The following PHF21A variants were observed in gnomAD, a reference collection of about 807,000 sequenced individuals.
PHF21A encodes BHC80a.
Under a neutral mutation model 82.5 loss-of-function variants are expected in PHF21A, and 11 were observed. The ratio of observed to expected loss-of-function variants is 0.13; its 90% CI spans 0.08 to 0.22. PHF21A has a LOEUF of 0.22. Among genes scored for constraint, PHF21A ranks in the 10% least tolerant of loss-of-function variants. The probability of loss-of-function intolerance (pLI) is 1.00; values close to 1 mark genes in which losing one functional copy is unlikely to be tolerated. For synonymous variants in PHF21A, 297 were observed against 302.8 expected, an observed-to-expected ratio of 0.98 and a Z score of 0.20; for missense variants, 579 against 837.8, an observed-to-expected ratio of 0.69 and a Z score of 3.81.
At chr11:46,082,233 AT>A (rs2135191886) in intron 4 of PHF21A, among the ~76,000 whole-genome samples, 1 of 152,348 alleles carries the variant, frequency 6.6e-6, no homozygotes, top group South Asian at 2.1e-4. Flanking sequence ...CACATTTTCT[AT>A]CCAGTAAGCT....
intron 6 of PHF21A, among the ~76,000 whole-genome samples, chr11:46,041,483 A>G (rs11038750): frequency 0.029 from 4,370 of 152,252 alleles, 70 homozygotes; most frequent in African/African-American, 0.04. Flanking sequence ...CTAAGGGGTA[A>G]TCTGAAAGTC....
In PHF21A at chr11:46,092,218, AG is replaced by A. The variant is rs1186445459; in HGVS notation, c.-232del. 1 of 152,176 alleles carries A rather than the reference AG, an allele frequency of 6.6e-6. No individual in the cohort carries two copies. Among genetic ancestry groups the A allele is most frequent in the African/African-American group, 2.4e-5 (1 of 41,434 alleles). 9.4% of individuals were successfully genotyped at this position (152,176 alleles called of 1,614,324 possible). On this transcript the variant is annotated 5_prime_UTR_variant, in exon 2 of 19. An upstream open reading frame in the 5' UTR gains an earlier in-frame stop. Transcript: ENST00000676320. The stretch of plus-strand genomic sequence containing the variant: ...GAAACTGGCTCTCCTTCAGCTCTCT[AG>A]CCCCCTATAACAGAAGAACGGGAAA...
At chr11:46,048,398 AT>A (rs1218621404) in intron 6 of PHF21A, among the ~76,000 whole-genome samples, 1 of 152,104 alleles carries the variant, frequency 6.6e-6, no homozygotes, top group East Asian at 1.9e-4. Context: ...ACCACACTTT[AT>A]TTAACTATCC....
chr11:46,117,568 C>T (rs1851689301), intron 1 of PHF21A, among the ~76,000 whole-genome samples: 1 of 152,182 alleles, frequency 6.6e-6, no homozygotes, highest in Non-Finnish European at 1.5e-5. Context: ...GGGGAAAAAA[C>T]TACAAGAAGT....
At chr11:45,945,329 C>T (rs538996868) in intron 15 of PHF21A, among the ~76,000 whole-genome samples, 104 of 152,304 alleles carry the variant, frequency 6.8e-4, no homozygotes, top group African/African-American at 2.4e-3. Context: ...AAGTATTTGA[C>T]AGTTTTTCCG....
intron 11 of PHF21A, among the ~76,000 whole-genome samples, chr11:45,952,986 G>A (rs2092302382): frequency 6.6e-6 from 1 of 152,186 alleles, no homozygotes; most frequent in South Asian, 2.1e-4. Flanking sequence ...CTAAATTATA[G>A]TATAGATGTT....
chr11:46,057,398 A>C (rs1034393325), intron 6 of PHF21A, among the ~76,000 whole-genome samples: 2 of 152,158 alleles, frequency 1.3e-5, no homozygotes, highest in Admixed American at 1.3e-4. Context: ...GATGCACAGG[A>C]GTGTTAATTC....
intron 1 of PHF21A, among the ~76,000 whole-genome samples, chr11:46,118,424 A>AG (rs1203568696): frequency 6.6e-6 from 1 of 151,870 alleles, no homozygotes; most frequent in East Asian, 1.9e-4. Flanking sequence ...TGTTAAAAAA[A>AG]AAAAAAAAAA....
intron 6 of PHF21A, among the ~76,000 whole-genome samples, chr11:46,040,549 C>T (rs1269619306): frequency 3.3e-5 from 5 of 152,058 alleles, no homozygotes; most frequent in African/African-American, 1.2e-4. Flanking sequence ...CTGGATTACT[C>T]ATTACTGCAG....
At chr11:46,074,613 C>T (rs2096704302) in intron 6 of PHF21A, among the ~76,000 whole-genome samples, 1 of 152,182 alleles carries the variant, frequency 6.6e-6, no homozygotes, top group Non-Finnish European at 1.5e-5. Context: ...AGCAATTCTC[C>T]TGCCTCAGCC....
intron 9 of PHF21A, among the ~76,000 whole-genome samples, chr11:45,969,179 C>A (rs1476737670): frequency 1.3e-5 from 2 of 152,088 alleles, no homozygotes; most frequent in Non-Finnish European, 2.9e-5. Context: ...AGCCTTCCTA[C>A]CAAGGAAGTC....
At position 46,068,787 on chromosome 11, in the gene PHF21A, C is replaced by G. The variant is rs146029891; in HGVS notation, c.153+7967G>C. On this transcript the variant is annotated intron_variant, in intron 6 of 18. Coordinates refer to ENST00000676320, the MANE Select transcript of PHF21A (RefSeq NM_001352027.3). ...TGAATTTTAAAAGTCATTCCATTTG[C>G]CAGCACCAAAAATACGTTATTAGGA... Among the ~76,000 whole-genome samples, 34 of 152,232 alleles carry G rather than the reference C, an allele frequency of 2.2e-4. 1 individual carries two copies. In the East Asian group the frequency reaches 4.6e-3, roughly 21 times the overall value.
At chr11:46,015,990 AAC>A (rs753208477) in intron 6 of PHF21A, among the ~76,000 whole-genome samples, 41 of 152,338 alleles carry the variant, frequency 2.7e-4, no homozygotes, top group African/African-American at 5.1e-4. Flanking sequence ...ATAAACTGAT[AAC>A]ACAGTCATTT....
At chr11:46,056,748 TAA>T (rs1206538999) in intron 6 of PHF21A, among the ~76,000 whole-genome samples, 2 of 152,148 alleles carry the variant, frequency 1.3e-5, no homozygotes, top group African/African-American at 4.8e-5. Context: ...TGCTGCTGCT[TAA>T]AAGACCCTTA....
At position 46,061,600 on chromosome 11, in the gene PHF21A, C is replaced by A. The variant is rs184245621; in HGVS notation, c.153+15154G>T. Among the ~76,000 whole-genome samples, 13 of 152,248 alleles carry A rather than the reference C, an allele frequency of 8.5e-5. No homozygotes were observed. The East Asian group carries it at 2.5e-3, about 29-fold the overall frequency. On this transcript the variant is annotated intron_variant, in intron 6 of 18. Coordinates refer to ENST00000676320, the MANE Select transcript of PHF21A (RefSeq NM_001352027.3). ...TCCCATACTTTCCAAAGAAACTATA[C>A]AATGTCTCTCAATAATGGCTCAAAA...
At chr11:46,050,980 A>G (rs1043442319) in intron 6 of PHF21A, among the ~76,000 whole-genome samples, 2 of 152,232 alleles carry the variant, frequency 1.3e-5, no homozygotes, top group African/African-American at 4.8e-5. Flanking sequence ...TAAATATAGC[A>G]GTCTCCGAGT....
intron 6 of PHF21A, among the ~76,000 whole-genome samples, chr11:46,075,897 T>C (rs1205182112): frequency 6.6e-6 from 1 of 152,236 alleles, no homozygotes; most frequent in African/African-American, 2.4e-5. Context: ...TATTGAGAAC[T>C]ATTTAGTCAA....
chr11:45,932,639 A>C lies in PHF21A; in HGVS notation c.*1329T>G, dbSNP rs2087770562. 1 of 152,660 alleles carries C rather than the reference A, an allele frequency of 6.6e-6. No individual in the cohort carries two copies. Among genetic ancestry groups the C allele is most frequent in the Non-Finnish European group, 1.5e-5 (1 of 68,042 alleles). 9.5% of individuals were successfully genotyped at this position (152,660 alleles called of 1,614,324 possible). On this transcript the variant is annotated 3_prime_UTR_variant, in exon 19 of 19. Transcript: ENST00000676320. This position sits in a 1 kb window ranked among gnomAD's most constrained non-coding sequence, Gnocchi z 4.3. ...TAGCACTTTTGTAATTTTTTTTTACAATGTTTCTTACCTTGATCTTAATTT... is the reference window on the plus strand; with the variant it reads ...TAGCACTTTTGTAATTTTTTTTTACCATGTTTCTTACCTTGATCTTAATTT...
chr11:46,014,992 A>AT (rs1565545527), intron 6 of PHF21A, among the ~76,000 whole-genome samples: 1 of 46,054 alleles, frequency 2.2e-5, no homozygotes, highest in Non-Finnish European at 3.4e-5. Context: ...AAAAAAAAAA[A>AT]AATAAAAATA....
Sources: allele counts gnomAD v4.1 joint callset (sites outside exome capture counted in the v4.1 genomes callset), GRCh38; gene constraint gnomAD v4.1.1; non-coding constraint Gnocchi (gnomAD v3.1); transcripts MANE v1.5; gene names NCBI Gene and HGNC (gene_info 2026-07-23, HGNC 2026-07-21).